The following GFM1 variants were observed in gnomAD, a reference collection of about 807,000 sequenced individuals.
GFM1 encodes the protein elongation factor G, mitochondrial.
In GFM1, 62 loss-of-function variants were observed where a neutral mutation model predicts 96.2. The ratio of observed to expected loss-of-function variants is 0.64; its 90% CI spans 0.53 to 0.80. GFM1 has a LOEUF of 0.80. GFM1 is among the 30% of genes least tolerant of loss of function. The pLI is 0.00. For synonymous variants in GFM1, 282 were observed against 312.9 expected (o/e 0.90, Z 1.04); for missense variants, 852 against 916.6 (o/e 0.93, Z 0.91).
intron 13 of GFM1, chr3:158,666,864 T>C: frequency 7.0e-7 from 1 of 1,427,600 alleles, no homozygotes; most frequent in South Asian, 1.3e-5. Context: ...TTTTGTTAAA[T>C]TGCTGCAATT....
intron 13 of GFM1, chr3:158,666,602 C>T: frequency 6.5e-7 from 1 of 1,529,260 alleles, no homozygotes; most frequent in Non-Finnish European, 9.0e-7. Context: ...AATTGGCATA[C>T]ACATCAATAG....
intron 5 of GFM1, among the ~76,000 whole-genome samples, 173 bp from the exon 6 acceptor site, chr3:158,651,923 A>G (rs914557296): frequency 6.6e-6 from 1 of 152,134 alleles, no homozygotes; most frequent in Non-Finnish European, 1.5e-5. Context: ...TTTATCTACT[A>G]TTCTGTGTAC....
At chr3:158,684,499 A>G (rs756173209) in intron 14 of GFM1, 25 bp from the exon 15 acceptor site, 6 of 1,613,744 alleles carry the variant, frequency 3.7e-6, no homozygotes, top group Non-Finnish European at 2.5e-6. Flanking sequence ...CACTCACTCC[A>G]GAAGTTGTGT....
intron 13 of GFM1, among the ~76,000 whole-genome samples, chr3:158,675,757 T>C (rs1724830592): frequency 6.6e-6 from 1 of 152,254 alleles, no homozygotes; most frequent in South Asian, 2.1e-4. Context: ...CAGTTAACTT[T>C]CAGGCCCTTA....
chr3:158,654,504 T>C (rs148598662), intron 7 of GFM1, 43 bp from the exon 8 acceptor site: 6 of 1,164,024 alleles, frequency 5.2e-6, no homozygotes, highest in East Asian at 2.5e-5. Flanking sequence ...AAAAGAAATA[T>C]CATATATTAC....
chr3:158,668,537 G>A (rs1401009307), intron 13 of GFM1, among the ~76,000 whole-genome samples: 1 of 152,180 alleles, frequency 6.6e-6, no homozygotes, highest in Admixed American at 6.5e-5. Context: ...TTTGAGGAAA[G>A]TATCATAGTT....
intron 3 of GFM1, 54 bp from the exon 4 acceptor site, chr3:158,646,689 A>G (rs1042794739): frequency 5.7e-6 from 8 of 1,402,696 alleles, no homozygotes; most frequent in Middle Eastern, 2.4e-4. Context: ...AATAGTGCAT[A>G]TATTAAAAAT....
At chr3:158,659,207 C>A in intron 9 of GFM1, 148 bp downstream of exon 9, 1 of 889,840 alleles carries the variant, frequency 1.1e-6, no homozygotes, top group Non-Finnish European at 1.7e-6. Context: ...TAGCTCTGAT[C>A]TAGCACTTTG....
rs1335207851 is a variant in GFM1 at position 158,645,618 on chromosome 3, A to AT, written c.82-4dup. 14 of 1,608,532 alleles carry AT rather than the reference A, an allele frequency of 8.7e-6. No individual in the cohort carries two copies. In the Middle Eastern group the frequency reaches 9.9e-4, roughly 114 times the overall value. On this transcript the variant is annotated splice_polypyrimidine_tract_variant and intron_variant, in intron 1 of 17. Coordinates refer to ENST00000486715, the MANE Select transcript of GFM1 (RefSeq NM_024996.7). ...AAGGTGCATAGAATTGAGCTCTCGTATTTTTTTCAGGTTAATTGGAAGGCC... is the reference window on the plus strand; with the variant it reads ...AAGGTGCATAGAATTGAGCTCTCGTATTTTTTTTCAGGTTAATTGGAAGGCC...
At chr3:158,659,445 T>A (rs866016582) in intron 9 of GFM1, among the ~76,000 whole-genome samples, 2 of 152,202 alleles carry the variant, frequency 1.3e-5, no homozygotes, top group Non-Finnish European at 2.9e-5. Context: ...TTACACAGTT[T>A]TCCACATTGT....
chr3:158,683,384 G>A (rs754583232), intron 14 of GFM1, among the ~76,000 whole-genome samples: 1 of 152,182 alleles, frequency 6.6e-6, no homozygotes, highest in South Asian at 2.1e-4. Flanking sequence ...AGCTCCACAA[G>A]TATTTGTTAA....
At chr3:158,658,816 T>C in intron 8 of GFM1, 106 bp from the exon 9 acceptor site, 1 of 1,202,864 alleles carries the variant, frequency 8.3e-7, no homozygotes, top group Non-Finnish European at 1.2e-6. Context: ...GATAGATTAC[T>C]AAAATTGGTA....
rs1414172723 is a variant in GFM1, at chr3:158,692,343, A to C, written c.*876A>C. ...GTAATTTATAGAGTTAGTTTCATCAACCTAATGAATGCTAGTTAAATTTGA... is the reference window on the plus strand; with the variant it reads ...GTAATTTATAGAGTTAGTTTCATCACCCTAATGAATGCTAGTTAAATTTGA... On this transcript the variant is annotated 3_prime_UTR_variant, in exon 18 of 18. Transcript: ENST00000486715. The C allele has an allele frequency of 6.6e-6, 1 of 152,178 alleles. No homozygotes were observed. Among genetic ancestry groups the C allele is most frequent in the Non-Finnish European group, 1.5e-5 (1 of 68,036 alleles). 9.4% of individuals were successfully genotyped at this position (152,178 alleles called of 1,614,324 possible). A position where few individuals can be genotyped will look rare whatever the true frequency, so the allele number is the denominator to read the frequency against.
At chr3:158,644,913 C>A in intron 1 of GFM1, 198 bp downstream of exon 1, 1 of 593,050 alleles carries the variant, frequency 1.7e-6, no homozygotes, top group Non-Finnish European at 3.1e-6. Flanking sequence ...TCTGGTATCC[C>A]TAGGGTTTAA....
At chr3:158,689,893 A>G (rs1726165681) in intron 15 of GFM1, among the ~76,000 whole-genome samples, 1 of 152,110 alleles carries the variant, frequency 6.6e-6, no homozygotes, top group Non-Finnish European at 1.5e-5. Context: ...TTGTTTTAAG[A>G]CCCTTTTGTA....
intron 13 of GFM1, among the ~76,000 whole-genome samples, chr3:158,674,228 A>C (rs544835172): frequency 5.2e-4 from 79 of 151,676 alleles, no homozygotes; most frequent in Non-Finnish European, 9.3e-4. Flanking sequence ...CTACAGGTGC[A>C]CTTCACCACA....
intron 9 of GFM1, among the ~76,000 whole-genome samples, chr3:158,659,945 C>T (rs938942461): frequency 3.3e-5 from 5 of 152,052 alleles, no homozygotes; most frequent in Admixed American, 2.0e-4. Flanking sequence ...AGCTGTGTCA[C>T]CATTAAAGAA....
At chr3:158,654,735 A>G in intron 8 of GFM1, 104 bp downstream of exon 8, 1 of 814,868 alleles carries the variant, frequency 1.2e-6, no homozygotes, top group Non-Finnish European at 2.1e-6. Context: ...AAGATTTGGA[A>G]AATAGGAAAG....
intron 6 of GFM1, 103 bp from the exon 7 acceptor site, chr3:158,653,207 A>G (rs1722435534): frequency 6.4e-6 from 6 of 938,746 alleles, no homozygotes; most frequent in Non-Finnish European, 8.2e-6. Flanking sequence ...TCAGCACTCC[A>G]AAGAGTAGAG....
Sources: gnomAD v4.1 joint callset for allele counts (sites outside exome capture counted in the v4.1 genomes callset) on GRCh38, gnomAD v4.1.1 for gene constraint, MANE v1.5 for transcripts, NCBI Gene and HGNC (gene_info 2026-07-23, HGNC 2026-07-21) for gene names.